BCL7A: variants seen among roughly 807,000 people sequenced by gnomAD.
The protein encoded by BCL7A is B-cell CLL/lymphoma 7 protein family member A.
Under a neutral mutation model 28.4 loss-of-function variants are expected in BCL7A, and 11 were observed. The ratio of observed to expected loss-of-function variants is 0.39; its 90% CI spans 0.24 to 0.64. BCL7A has a LOEUF of 0.64. Among genes scored for constraint, BCL7A ranks in the 30% least tolerant of loss-of-function variants. The pLI is 0.50. For missense variants in BCL7A, 222 were observed against 274.8 expected (o/e 0.81, Z 1.36); for synonymous variants, 123 against 103.3 (o/e 1.19, Z -1.15).
At chr12:122,043,773 A>C in intron 3 of BCL7A, 113 bp from the exon 4 acceptor site, 1 of 1,075,050 alleles carries the variant, frequency 9.3e-7, no homozygotes, top group Non-Finnish European at 1.3e-6. Flanking sequence ...CCTCCCCGGG[A>C]GAGCTGCCAT....
rs1951918614 is a variant in BCL7A, at chr12:122,061,263, G to C, written c.*2100G>C. On this transcript the variant is annotated 3_prime_UTR_variant, in exon 6 of 6. Coordinates refer to ENST00000261822, the MANE Select transcript of BCL7A (RefSeq NM_001024808.3). ...ACATCCACAGAAACAGAGAGGCGTA[G>C]GTGGCCCTGCCGTTGACCGCAGCCT... The C allele has an allele frequency of 4.3e-6, 1 of 231,206 alleles. No individual in the cohort carries two copies. The highest frequency in any genetic ancestry group is 2.2e-5 in the African/African-American group (1 of 45,196). The allele number at this position is 231,206 out of a possible 1,614,324, so 14.3% of individuals were successfully genotyped here.
chr12:122,022,756 T>C (rs1883496103), intron 1 of BCL7A, among the ~76,000 whole-genome samples: 1 of 150,732 alleles, frequency 6.6e-6, no homozygotes, highest in Admixed American at 6.6e-5. Flanking sequence ...CTGCGGAGTT[T>C]GCAGAGCGCG....
Position 122,059,519 on chromosome 12 carries a change from T to G in BCL7A, c.*356T>G, listed in dbSNP as rs1220106448. ...ATAAGCTATCGGAGGGTGGTACCGATCAGGAACGCTTTTTGGCGGGGCTTT... is the reference window on the plus strand; with the variant it reads ...ATAAGCTATCGGAGGGTGGTACCGAGCAGGAACGCTTTTTGGCGGGGCTTT... On this transcript the variant is annotated 3_prime_UTR_variant, in exon 6 of 6. Transcript: ENST00000261822. This position sits in a 1 kb window ranked among gnomAD's most constrained non-coding sequence, Gnocchi z 4.0. The G allele has an allele frequency of 7.8e-6, 2 of 257,424 alleles. No homozygotes were observed. The highest frequency in any genetic ancestry group is 2.2e-5 in the African/African-American group (1 of 46,138). 15.9% of individuals were successfully genotyped at this position (257,424 alleles called of 1,614,324 possible). A position where few individuals can be genotyped will look rare whatever the true frequency, so the allele number is the denominator to read the frequency against.
chr12:122,025,277 T>G (rs1593021146), intron 1 of BCL7A, among the ~76,000 whole-genome samples: 2 of 148,716 alleles, frequency 1.3e-5, no homozygotes, highest in South Asian at 2.1e-4. Context: ...ACAGGAGGAT[T>G]GCTTGAGCCC....
chr12:122,046,146 A>G (rs1057292443), intron 4 of BCL7A, among the ~76,000 whole-genome samples: 1 of 150,144 alleles, frequency 6.7e-6, no homozygotes, highest in African/African-American at 2.4e-5. Flanking sequence ...AGCATTCCGG[A>G]TGGTCTAACA....
At position 122,061,524 on chromosome 12, in the gene BCL7A, T is replaced by G. The variant is rs1467501079; in HGVS notation, c.*2361T>G. Reference sequence around the variant, plus strand: ...ACTGCAAAAATCCGATGTGCTTCCTTCCCTGGCGCAGTCGCTCCTCGAGCC... The same window carrying G: ...ACTGCAAAAATCCGATGTGCTTCCTGCCCTGGCGCAGTCGCTCCTCGAGCC... On this transcript the variant is annotated 3_prime_UTR_variant, in exon 6 of 6. Transcript: ENST00000261822. 3 of 232,398 alleles carry G rather than the reference T, an allele frequency of 1.3e-5. No individual in the cohort carries two copies. The highest frequency in any genetic ancestry group is 8.5e-6 in the Non-Finnish European group (1 of 117,578). 14.4% of individuals were successfully genotyped at this position (232,398 alleles called of 1,614,324 possible).
chr12:122,054,956 C>T (rs776448371), intron 5 of BCL7A, 30 bp downstream of exon 5: 1 of 1,614,164 alleles, frequency 6.2e-7, no homozygotes, highest in African/African-American at 1.3e-5. Context: ...AGAGGGGCAG[C>T]CAGATCGGCC....
Position 122,029,156 on chromosome 12 carries a change from G to A in BCL7A, c.93-1544G>A, listed in dbSNP as rs976402028. 6.6e-5 allele frequency among the ~76,000 whole-genome samples: 10 copies of A among 152,182 alleles called. No homozygotes were observed. The highest frequency in any genetic ancestry group is 2.4e-4 in the African/African-American group (10 of 41,438). On this transcript the variant is annotated intron_variant, in intron 1 of 5. Transcript: ENST00000261822. This position sits in a 1 kb window ranked among gnomAD's most constrained non-coding sequence, Gnocchi z 4.3. ...GCCTCGGTTTCTTTATCTGTCAAAT[G>A]GGGAAGTTGCCATTTCCTGCCGGAT...
At chr12:122,022,870 C>T (rs1414980694) in intron 1 of BCL7A, among the ~76,000 whole-genome samples, 1 of 151,914 alleles carries the variant, frequency 6.6e-6, no homozygotes. Flanking sequence ...GCGCGGGGCG[C>T]CCACGTCCCA....
At chr12:122,043,751 G>C in intron 3 of BCL7A, 135 bp from the exon 4 acceptor site, 2 of 831,648 alleles carry the variant, frequency 2.4e-6, no homozygotes, top group Non-Finnish European at 3.5e-6. Flanking sequence ...AAAAAAAAAC[G>C]GTAACCAGAC....
intron 3 of BCL7A, among the ~76,000 whole-genome samples, chr12:122,036,312 G>A (rs1883854302): frequency 6.6e-6 from 1 of 152,162 alleles, no homozygotes; most frequent in East Asian, 1.9e-4. Context: ...TGGGAGGGTC[G>A]CTTGAGCCCA....
At chr12:122,055,092 C>G in intron 5 of BCL7A, 166 bp downstream of exon 5, 1 of 1,413,090 alleles carries the variant, frequency 7.1e-7, no homozygotes, top group South Asian at 1.3e-5. Context: ...CAGTCCTGGG[C>G]TCTGCCTTGG....
intron 5 of BCL7A, among the ~76,000 whole-genome samples, chr12:122,056,655 A>G (rs931841095): frequency 1.3e-5 from 2 of 151,968 alleles, no homozygotes; most frequent in Non-Finnish European, 2.9e-5. Context: ...AGAAAAAGAA[A>G]ATTAGCCAGG....
rs554846919 is a variant in BCL7A, at chr12:122,056,867, C to T, written c.561+1941C>T. On this transcript the variant is annotated intron_variant, in intron 5 of 5. Coordinates refer to ENST00000261822, the MANE Select transcript of BCL7A (RefSeq NM_001024808.3). ...GAAAGGTAGCCTTCCTGACTCCCTG[C>T]GATCCCTGCTCCCAGGGTCCCCCAG... is the stretch of plus-strand genomic sequence containing the variant. Among the ~76,000 whole-genome samples, 9 of 152,252 alleles carry T rather than the reference C, an allele frequency of 5.9e-5. No individual in the cohort carries two copies. In the East Asian group the frequency reaches 1.2e-3, roughly 20 times the overall value.
chr12:122,035,578 G>C, intron 3 of BCL7A, 151 bp downstream of exon 3: 4 of 652,180 alleles, frequency 6.1e-6, no homozygotes, highest in Non-Finnish European at 1.1e-5. Context: ...GTGCCAAGGA[G>C]AAGAGTCAGC....
At position 122,023,500 on chromosome 12, in the gene BCL7A, C is replaced by CA. The variant is rs576162795; in HGVS notation, c.92+1323dup. Among the ~76,000 whole-genome samples the CA allele has an allele frequency of 8.0e-4, 122 of 152,218 alleles. 1 individual carries two copies. Among genetic ancestry groups the CA allele is most frequent in the Admixed American group, 7.8e-3 (120 of 15,302 alleles). ...GCTGTCCTTTCTGAGTCAAACCCAA[C>CA]AAAAAAGGCAAGAGGAAAATCAATA... is the stretch of plus-strand genomic sequence containing the variant. On this transcript the variant is annotated intron_variant, in intron 1 of 5. Coordinates refer to ENST00000261822, the MANE Select transcript of BCL7A (RefSeq NM_001024808.3).
chr12:122,050,037 C>A (rs1884158323), intron 4 of BCL7A, among the ~76,000 whole-genome samples: 1 of 152,178 alleles, frequency 6.6e-6, no homozygotes, highest in African/African-American at 2.4e-5. Flanking sequence ...TGCAGTGATG[C>A]AATCTGGGCT....
chr12:122,025,210 C>T (rs548954307), intron 1 of BCL7A, among the ~76,000 whole-genome samples: 4 of 152,176 alleles, frequency 2.6e-5, no homozygotes, highest in East Asian at 1.9e-4. Context: ...GCAGCGTAAG[C>T]TTGGAGGCCC....
Position 122,053,656 on chromosome 12 carries a change from T to C in BCL7A, c.440-1149T>C, listed in dbSNP as rs866578265. 1.2e-4 allele frequency among the ~76,000 whole-genome samples: 18 copies of C among 152,134 alleles called. No individual in the cohort carries two copies. The Middle Eastern group carries it at 0.017, about 144-fold the overall frequency. ...TCCAGTAAGCTTTAGGAAAAACCGC[T>C]GCCGCCACTGCCTCCTCCCAAGCTG... is the stretch of plus-strand genomic sequence containing the variant. On this transcript the variant is annotated intron_variant, in intron 4 of 5. Coordinates refer to ENST00000261822, the MANE Select transcript of BCL7A (RefSeq NM_001024808.3).
Sources: gnomAD v4.1 joint callset for allele counts (sites outside exome capture counted in the v4.1 genomes callset) on GRCh38, gnomAD v4.1.1 for gene constraint, Gnocchi (gnomAD v3.1) non-coding constraint, MANE v1.5 for transcripts, NCBI Gene and HGNC (gene_info 2026-07-23, HGNC 2026-07-21) for gene names.